SIK3: variants seen among roughly 807,000 people sequenced by gnomAD.
SIK3 encodes SIK family kinase 3, also known as serine/threonine-protein kinase SIK3.
In SIK3, 28 loss-of-function variants were observed where a neutral mutation model predicts 144.2. That is an observed-to-expected ratio of 0.19 (90% CI 0.14 to 0.27). SIK3 has a LOEUF of 0.27. Among genes scored for constraint, SIK3 ranks in the 10% least tolerant of loss-of-function variants. SIK3 has a pLI of 1.00. For synonymous variants in SIK3, 686 were observed against 676.3 expected, an observed-to-expected ratio of 1.01 and a Z score of -0.22; for missense variants, 1,319 against 1,776.0, an observed-to-expected ratio of 0.74 and a Z score of 4.62.
At chr11:116,977,702 A>C (rs892916547) in intron 1 of SIK3, among the ~76,000 whole-genome samples, 2 of 152,224 alleles carry the variant, frequency 1.3e-5, no homozygotes, top group Non-Finnish European at 2.9e-5. Flanking sequence ...GGTTTTTAAC[A>C]ATAATAAGCT....
intron 4 of SIK3, among the ~76,000 whole-genome samples, chr11:116,903,040 T>C (rs1945821635): frequency 6.6e-6 from 1 of 152,238 alleles, no homozygotes; most frequent in East Asian, 1.9e-4. Context: ...TAAGTTAAAA[T>C]TCTGTCTAAT....
intron 6 of SIK3, among the ~76,000 whole-genome samples, chr11:116,881,056 G>A (rs778977675): frequency 2.0e-5 from 3 of 152,018 alleles, no homozygotes; most frequent in African/African-American, 4.8e-5. Flanking sequence ...CCTGGGAGGC[G>A]GAGCTTGCAG....
chr11:116,927,997 A>G (rs1472545939), intron 3 of SIK3, among the ~76,000 whole-genome samples: 1 of 152,228 alleles, frequency 6.6e-6, no homozygotes, highest in Non-Finnish European at 1.5e-5. Flanking sequence ...TATGGGGCTC[A>G]CCAAATGGTT....
rs1941809174 is a variant in SIK3 at position 116,844,656 on chromosome 11, T to TAATATATATATTATATTATATATAG, written c.*986_*987insCTATATATAATATAATATATATATT. The TAATATATATATTATATTATATATAG allele has an allele frequency of 8.6e-6, 1 of 115,988 alleles. No homozygotes were observed. Among genetic ancestry groups the TAATATATATATTATATTATATATAG allele is most frequent in the Non-Finnish European group, 1.7e-5 (1 of 57,168 alleles). The allele number at this position is 115,988 out of a possible 1,614,324, so 7.2% of individuals were successfully genotyped here. ...TATATTATATTATATATTATATATATAATATATATATACACATATATTATA... is the reference window on the plus strand; with the variant it reads ...TATATTATATTATATATTATATATATAATATATATATTATATTATATATAGAATATATATATACACATATATTATA... On this transcript the variant is annotated 3_prime_UTR_variant, in exon 25 of 25. Coordinates refer to ENST00000445177, the MANE Select transcript of SIK3 (RefSeq NM_001366686.3).
At chr11:116,979,179 T>G (rs1478600039) in intron 1 of SIK3, among the ~76,000 whole-genome samples, 2 of 152,278 alleles carry the variant, frequency 1.3e-5, no homozygotes, top group East Asian at 3.9e-4. Context: ...AATTTTTCCC[T>G]GTTTGGTGGG....
chr11:116,919,507 A>C (rs982533311), intron 4 of SIK3, among the ~76,000 whole-genome samples: 4 of 152,210 alleles, frequency 2.6e-5, no homozygotes, highest in Non-Finnish European at 5.9e-5. Flanking sequence ...CGACATTTAA[A>C]GACAAAAGTT....
At chr11:116,847,283 A>G (rs976883084) in intron 23 of SIK3, among the ~76,000 whole-genome samples, 193 bp downstream of exon 23, 1 of 152,242 alleles carries the variant, frequency 6.6e-6, no homozygotes, top group African/African-American at 2.4e-5. Flanking sequence ...CCATCTGGCC[A>G]GAAGCCACAC....
intron 1 of SIK3, among the ~76,000 whole-genome samples, chr11:117,057,802 T>C (rs917735372): frequency 1.3e-5 from 2 of 152,216 alleles, no homozygotes; most frequent in South Asian, 4.1e-4. Context: ...AAGATGCAGA[T>C]AATTCTAGGT....
At chr11:116,927,828 C>T (rs1446105) in intron 3 of SIK3, among the ~76,000 whole-genome samples, 69,385 of 152,014 alleles carry the variant, frequency 0.46, 19,205 homozygotes, top group Non-Finnish European at 0.64. Context: ...GACAGAAATT[C>T]GTCACTGCTA....
At chr11:116,905,195 G>T (rs977351668) in intron 4 of SIK3, among the ~76,000 whole-genome samples, 2 of 152,172 alleles carry the variant, frequency 1.3e-5, no homozygotes, top group Non-Finnish European at 1.5e-5. Flanking sequence ...CACATAAATG[G>T]AATCATACAA....
intron 3 of SIK3, among the ~76,000 whole-genome samples, chr11:116,927,949 A>G (rs1947369203): frequency 6.6e-6 from 1 of 152,246 alleles, no homozygotes; most frequent in Non-Finnish European, 1.5e-5. Flanking sequence ...TGTTCTCTGG[A>G]GTGCATAGCG....
At chr11:116,930,751 T>C (rs963209785) in intron 3 of SIK3, among the ~76,000 whole-genome samples, 5 of 151,982 alleles carry the variant, frequency 3.3e-5, no homozygotes, top group Admixed American at 3.3e-4. Flanking sequence ...GCCATGCCCC[T>C]AGCTAGAGTC....
chr11:116,954,312 G>A (rs145137796), intron 2 of SIK3, among the ~76,000 whole-genome samples: 1 of 152,124 alleles, frequency 6.6e-6, no homozygotes, highest in African/African-American at 2.4e-5. Context: ...CTTAAAAGTA[G>A]GAAACATTTA....
chr11:116,993,321 G>T (rs1950555533), intron 1 of SIK3, among the ~76,000 whole-genome samples: 1 of 152,168 alleles, frequency 6.6e-6, no homozygotes, highest in Non-Finnish European at 1.5e-5. Flanking sequence ...ACCATTTTCA[G>T]ACTGTTTTTT....
intron 1 of SIK3, among the ~76,000 whole-genome samples, chr11:117,012,533 T>C (rs778157734): frequency 2.6e-5 from 4 of 152,218 alleles, no homozygotes; most frequent in Non-Finnish European, 5.9e-5. Context: ...ATTCATCTTC[T>C]GTCCCTAAAA....
intron 4 of SIK3, among the ~76,000 whole-genome samples, chr11:116,904,324 G>C (rs776674994): frequency 6.6e-6 from 1 of 152,194 alleles, no homozygotes; most frequent in Non-Finnish European, 1.5e-5. Flanking sequence ...TGACAAGCAA[G>C]ACACTGCCCT....
intron 19 of SIK3, among the ~76,000 whole-genome samples, chr11:116,860,926 C>A (rs999117725): frequency 6.6e-6 from 1 of 152,192 alleles, no homozygotes; most frequent in Non-Finnish European, 1.5e-5. Flanking sequence ...GGAAGATGAG[C>A]CTTGCTTCTC....
intron 5 of SIK3, 138 bp from the exon 6 acceptor site, chr11:116,896,514 T>C: frequency 2.3e-6 from 2 of 888,824 alleles, no homozygotes; most frequent in Non-Finnish European, 3.2e-6. Context: ...TTAGAACAGT[T>C]AACAATCTTC....
chr11:116,892,742 T>G (rs990113549), intron 6 of SIK3, among the ~76,000 whole-genome samples: 1 of 152,198 alleles, frequency 6.6e-6, no homozygotes, highest in Non-Finnish European at 1.5e-5. Flanking sequence ...AATTAAAAAT[T>G]TATGTCCACA....
Sources: allele counts gnomAD v4.1 joint callset (sites outside exome capture counted in the v4.1 genomes callset), GRCh38; gene constraint gnomAD v4.1.1; transcripts MANE v1.5; gene names NCBI Gene and HGNC (gene_info 2026-07-23, HGNC 2026-07-21).